The following NAPB variants were observed in gnomAD, a reference collection of about 807,000 sequenced individuals.
The protein encoded by NAPB is beta-soluble NSF attachment protein.
A neutral mutation model predicts 44.7 loss-of-function variants in NAPB; 26 were observed. That is an observed-to-expected ratio of 0.58 (90% CI 0.43 to 0.81). NAPB has a LOEUF of 0.81. Ranked by LOEUF, NAPB falls within the 30% of genes least tolerant of loss-of-function variation. NAPB has a pLI of 0.00. For missense variants in NAPB, 315 were observed against 356.4 expected (o/e 0.88, Z 0.94); for synonymous variants, 120 against 116.8 (o/e 1.03, Z -0.18).
At chr20:23,420,378 A>T (rs776976085) in intron 1 of NAPB, among the ~76,000 whole-genome samples, 32 of 152,296 alleles carry the variant, frequency 2.1e-4, no homozygotes, top group Non-Finnish European at 4.3e-4. Context: ...ATGCTGAGAA[A>T]ATATATTCGT....
At position 23,379,616 on chromosome 20, in the gene NAPB, A is replaced by T. The variant is rs568824297; in HGVS notation, c.736-121T>A. 8.8e-6 allele frequency: 7 copies of T among 791,726 alleles called. No individual in the cohort carries two copies. In the Admixed American group the frequency reaches 1.8e-4, roughly 20 times the overall value. The allele number at this position is 791,726 out of a possible 1,614,324, so 49.0% of individuals were successfully genotyped here. A position where few individuals can be genotyped will look rare whatever the true frequency, so the allele number is the denominator to read the frequency against. Reference sequence around the variant, plus strand: ...TGCACAAAACTGAGGAAATACTCATATACAAGTCAAGAGCCAAGTTAGGGA... The same window carrying T: ...TGCACAAAACTGAGGAAATACTCATTTACAAGTCAAGAGCCAAGTTAGGGA... On this transcript the variant is annotated intron_variant, in intron 9 of 10. Transcript: ENST00000377026.
intron 2 of NAPB, among the ~76,000 whole-genome samples, chr20:23,398,935 C>T (rs1254151855): frequency 1.5e-5 from 2 of 132,348 alleles, no homozygotes; most frequent in Non-Finnish European, 3.0e-5. Context: ...CTCAAGCAAT[C>T]CTCCAGCCTC....
chr20:23,377,404 T>C lies in NAPB; in HGVS notation c.869A>G (p.Asp290Gly), dbSNP rs1036723306. 6.3e-7 allele frequency: 1 copy of C among 1,595,652 alleles called. No homozygotes were observed. Residue 290 changes from aspartate (D) to glycine (G), a missense_variant, in exon 11 of 11, where the codon GAT becomes GGT. This residue lies in a region of NAPB where 120 missense variants were observed against 130.5 expected (regional missense o/e 0.92). Coordinates refer to ENST00000377026, the MANE Select transcript of NAPB (RefSeq NM_022080.3). The part of the protein sequence containing the change: ...LLRIKKSIQG[D>G]GEGDGDLK ...TTTTAGGTCTCCATCTCCTTCTCCA[T>C]CCCCTTGGATGGACTTTTTGATGCG...
chr20:23,383,339 GAAAA>G (rs1983190622), intron 7 of NAPB, among the ~76,000 whole-genome samples: 1 of 151,954 alleles, frequency 6.6e-6, no homozygotes, highest in Non-Finnish European at 1.5e-5. Flanking sequence ...GAAACTAAAA[GAAAA>G]AAATTATGAA....
chr20:23,413,658 CAG>C (rs1452275156), intron 1 of NAPB, among the ~76,000 whole-genome samples: 2 of 151,982 alleles, frequency 1.3e-5, no homozygotes, highest in African/African-American at 4.8e-5. Context: ...ATTACTAAAA[CAG>C]AACATTTTTA....
chr20:23,387,714 A>G (rs975032957), intron 7 of NAPB, among the ~76,000 whole-genome samples: 1 of 152,214 alleles, frequency 6.6e-6, no homozygotes, highest in African/African-American at 2.4e-5. Flanking sequence ...AAAAACTACA[A>G]AACATTGTTG....
intron 2 of NAPB, among the ~76,000 whole-genome samples, chr20:23,398,537 T>C (rs1411004960): frequency 1.3e-5 from 2 of 152,162 alleles, no homozygotes; most frequent in Non-Finnish European, 2.9e-5. Context: ...TTTTTATTTT[T>C]AATTCTTTAA....
intron 1 of NAPB, among the ~76,000 whole-genome samples, chr20:23,411,995 G>T (rs1985689890): frequency 6.6e-6 from 1 of 152,074 alleles, no homozygotes; most frequent in Non-Finnish European, 1.5e-5. Flanking sequence ...ATTCCGAAAG[G>T]CTTAAAATAA....
chr20:23,421,250 G>A, intron 1 of NAPB, 55 bp downstream of exon 1: 2 of 1,425,140 alleles, frequency 1.4e-6, no homozygotes, highest in Non-Finnish European at 1.9e-6. Context: ...CTGAAAGGAA[G>A]GGGGCCAAGT....
intron 7 of NAPB, among the ~76,000 whole-genome samples, chr20:23,389,004 A>G (rs2123165269): frequency 6.6e-6 from 1 of 152,260 alleles, no homozygotes; most frequent in Middle Eastern, 3.4e-3. Flanking sequence ...TCACATATCT[A>G]ATAGGGGATT....
intron 10 of NAPB, chr20:23,378,965 TGTG>T (rs1982773133): frequency 2.4e-5 from 2 of 81,976 alleles, no homozygotes; most frequent in Non-Finnish European, 5.6e-5. Context: ...ACTACAGGCG[TGTG>T]CCAGCATGCC....
intron 2 of NAPB, among the ~76,000 whole-genome samples, chr20:23,399,665 T>C (rs1166182280): frequency 1.3e-5 from 2 of 152,184 alleles, no homozygotes; most frequent in Admixed American, 6.5e-5. Context: ...CATGAGAGGC[T>C]GGTGGGTATC....
intron 1 of NAPB, among the ~76,000 whole-genome samples, chr20:23,410,458 G>T (rs144955776): frequency 2.6e-5 from 4 of 152,236 alleles, no homozygotes; most frequent in Non-Finnish European, 5.9e-5. Flanking sequence ...ACCAAATACC[G>T]CATGTTTTCA....
chr20:23,416,199 T>C (rs1280769633), intron 1 of NAPB, among the ~76,000 whole-genome samples: 1 of 152,122 alleles, frequency 6.6e-6, no homozygotes, highest in Non-Finnish European at 1.5e-5. Context: ...GAGCCACATA[T>C]GATTACTGGC....
In NAPB at chr20:23,375,786, G is replaced by T. The variant is rs746885990; in HGVS notation, c.*1590C>A. On this transcript the variant is annotated 3_prime_UTR_variant, in exon 11 of 11. Transcript: ENST00000377026. The stretch of plus-strand genomic sequence containing the variant: ...ATGCTCTGACATCACAGAGCTTCCT[G>T]CTCTACCAGCCCACCTCATGCATGT... 6.6e-6 allele frequency: 1 copy of T among 152,350 alleles called. No homozygotes were observed. The highest frequency in any genetic ancestry group is 1.9e-4 in the East Asian group (1 of 5,196). The allele number at this position is 152,350 out of a possible 1,614,324, so 9.4% of individuals were successfully genotyped here. A position where few individuals can be genotyped will look rare whatever the true frequency, so the allele number is the denominator to read the frequency against.
At chr20:23,421,219 TG>T in intron 1 of NAPB, 85 bp downstream of exon 1, 2 of 1,178,670 alleles carry the variant, frequency 1.7e-6, no homozygotes, top group Non-Finnish European at 1.2e-6. Context: ...AGAGGTTGCG[TG>T]GGGGACTCGG....
At chr20:23,385,405 C>T (rs1183419654) in intron 7 of NAPB, among the ~76,000 whole-genome samples, 1 of 152,152 alleles carries the variant, frequency 6.6e-6, no homozygotes, top group Non-Finnish European at 1.5e-5. Flanking sequence ...AAGAGTCAGA[C>T]AAATCCACAA....
intron 1 of NAPB, among the ~76,000 whole-genome samples, chr20:23,420,033 C>T (rs947746342): frequency 1.3e-5 from 2 of 152,196 alleles, no homozygotes; most frequent in Admixed American, 1.3e-4. Flanking sequence ...CGTGTCTAGT[C>T]ATGCAATGGG....
intron 7 of NAPB, among the ~76,000 whole-genome samples, chr20:23,388,347 T>C (rs535036623): frequency 6.6e-6 from 1 of 152,298 alleles, no homozygotes; most frequent in African/African-American, 2.4e-5. Context: ...CAAATTGGTA[T>C]GCACATTCCA....
Sources: gnomAD v4.1 joint callset for allele counts (sites outside exome capture counted in the v4.1 genomes callset) on GRCh38, gnomAD v4.1.1 for gene constraint, gnomAD v4.1.1 regional missense constraint, MANE v1.5 for transcripts, NCBI Gene and HGNC (gene_info 2026-07-23, HGNC 2026-07-21) for gene names.